ATP2B2: variants seen among roughly 807,000 people sequenced by gnomAD.
ATP2B2 encodes the protein ATPase plasma membrane Ca2+ transporting 2.
A neutral mutation model predicts 120.0 loss-of-function variants in ATP2B2; 15 were observed. That is an observed-to-expected ratio of 0.12 (90% CI 0.08 to 0.19). The LOEUF (loss-of-function observed/expected upper bound fraction) is 0.19, where lower values mean the gene tolerates loss of function less well. Among genes scored for constraint, ATP2B2 ranks in the 10% least tolerant of loss-of-function variants. The probability of loss-of-function intolerance (pLI) is 1.00; values close to 1 mark genes in which losing one functional copy is unlikely to be tolerated. For synonymous variants in ATP2B2, 694 were observed against 700.3 expected, an observed-to-expected ratio of 0.99 and a Z score of 0.14; for missense variants, 1,045 against 1,719.8, an observed-to-expected ratio of 0.61 and a Z score of 6.94.
intron 2 of ATP2B2, among the ~76,000 whole-genome samples, chr3:10,545,647 A>C (rs1351696917): frequency 6.6e-6 from 1 of 152,246 alleles, no homozygotes; most frequent in Non-Finnish European, 1.5e-5. Flanking sequence ...AAATTTGCAA[A>C]ATTGGAATAT....
intron 2 of ATP2B2, among the ~76,000 whole-genome samples, chr3:10,540,486 T>C (rs1027054512): frequency 3.3e-5 from 5 of 152,024 alleles, no homozygotes; most frequent in Admixed American, 3.3e-4. Flanking sequence ...CCATCAATGA[T>C]AGACTGGATT....
chr3:10,549,367 G>A (rs918556574), intron 2 of ATP2B2, among the ~76,000 whole-genome samples: 1 of 152,110 alleles, frequency 6.6e-6, no homozygotes, highest in Non-Finnish European at 1.5e-5. Flanking sequence ...TCAGCACAGG[G>A]CTTGGCAGGG....
intron 1 of ATP2B2, among the ~76,000 whole-genome samples, chr3:10,630,063 G>A (rs550802938): frequency 3.0e-4 from 46 of 152,284 alleles, no homozygotes; most frequent in African/African-American, 9.6e-4. Context: ...GTTGCTCTTC[G>A]CCTGCTGATT....
chr3:10,363,608 A>G (rs1347796602), intron 12 of ATP2B2, among the ~76,000 whole-genome samples: 2 of 152,202 alleles, frequency 1.3e-5, no homozygotes, highest in Admixed American at 6.5e-5. Flanking sequence ...GCTAAGATCA[A>G]TGAATGATGA....
intron 7 of ATP2B2, 126 bp from the exon 8 acceptor site, chr3:10,385,453 G>A: frequency 1.2e-6 from 1 of 816,558 alleles, no homozygotes; most frequent in Non-Finnish European, 2.0e-6. Flanking sequence ...ATTATCCTTT[G>A]GAAACCAAGA....
chr3:10,597,347 A>G (rs1253013248), intron 2 of ATP2B2, among the ~76,000 whole-genome samples: 1 of 151,746 alleles, frequency 6.6e-6, no homozygotes, highest in Non-Finnish European at 1.5e-5. Flanking sequence ...ACACAGGCAC[A>G]GGCACCTAGG....
At chr3:10,662,172 T>C (rs186031871) in intron 1 of ATP2B2, among the ~76,000 whole-genome samples, 90 of 152,246 alleles carry the variant, frequency 5.9e-4, no homozygotes, top group African/African-American at 2.0e-3. Context: ...GGCAGTACCA[T>C]TCAGGACATA....
intron 1 of ATP2B2, among the ~76,000 whole-genome samples, chr3:10,505,098 T>C (rs879775219): frequency 6.6e-5 from 10 of 152,174 alleles, no homozygotes; most frequent in African/African-American, 1.9e-4. Context: ...ACCAGCTTGC[T>C]GGCCCTTGCA....
chr3:10,415,389 G>T (rs2062745980), intron 2 of ATP2B2, among the ~76,000 whole-genome samples: 1 of 152,160 alleles, frequency 6.6e-6, no homozygotes, highest in Non-Finnish European at 1.5e-5. Context: ...ATAGGAAGGG[G>T]TCAGTCAAGG....
At chr3:10,331,862 A>C in intron 22 of ATP2B2, 1 of 975,358 alleles carries the variant, frequency 1.0e-6, no homozygotes, top group Non-Finnish European at 1.5e-6. Context: ...GCTCTGAGAA[A>C]ACGCACAGGC....
At chr3:10,605,084 A>G (rs1317760844) in intron 2 of ATP2B2, among the ~76,000 whole-genome samples, 1 of 152,210 alleles carries the variant, frequency 6.6e-6, no homozygotes, top group Non-Finnish European at 1.5e-5. Flanking sequence ...GCACCAAAGC[A>G]TCCTCGTTTA....
chr3:10,400,704 T>C (rs1213496816), intron 5 of ATP2B2, among the ~76,000 whole-genome samples: 10 of 152,192 alleles, frequency 6.6e-5, no homozygotes, highest in Admixed American at 6.5e-4. Flanking sequence ...GCCAATGCCA[T>C]GAGGGCAGGG....
chr3:10,601,170 A>T (rs1445797633), intron 2 of ATP2B2, among the ~76,000 whole-genome samples: 1 of 152,182 alleles, frequency 6.6e-6, no homozygotes, highest in East Asian at 1.9e-4. Flanking sequence ...GGTAAAGGGC[A>T]GGAGAGTGGC....
At chr3:10,504,919 G>C (rs765044168) in intron 1 of ATP2B2, among the ~76,000 whole-genome samples, 3 of 152,108 alleles carry the variant, frequency 2.0e-5, no homozygotes, top group Non-Finnish European at 4.4e-5. Context: ...CGGCTGGCCT[G>C]ACCCAATGAG....
intron 2 of ATP2B2, among the ~76,000 whole-genome samples, chr3:10,439,871 T>C (rs114913538): frequency 1.6e-4 from 16 of 100,278 alleles, no homozygotes; most frequent in African/African-American, 4.0e-4. Flanking sequence ...TTCTTGTGCC[T>C]AGCCTCCTGA....
intron 1 of ATP2B2, among the ~76,000 whole-genome samples, chr3:10,645,389 G>C (rs1478284830): frequency 5.3e-5 from 8 of 152,154 alleles, no homozygotes; most frequent in Non-Finnish European, 2.9e-5. Flanking sequence ...TGCAAATTTT[G>C]ATCATTTCAC....
intron 5 of ATP2B2, among the ~76,000 whole-genome samples, chr3:10,397,364 G>A (rs532162527): frequency 6.6e-6 from 1 of 152,222 alleles, no homozygotes; most frequent in Non-Finnish European, 1.5e-5. Context: ...GTGAGATCCG[G>A]TTGGGTGGTG....
chr3:10,665,474 C>T (rs552889384), intron 1 of ATP2B2, among the ~76,000 whole-genome samples: 8 of 152,226 alleles, frequency 5.3e-5, no homozygotes, highest in African/African-American at 7.2e-5. Flanking sequence ...CAACTTGACA[C>T]GTAACTGTGG....
upstream of ATP2B2, among the ~76,000 whole-genome samples, chr3:10,506,226 C>T (rs1313276011): frequency 6.6e-6 from 1 of 152,084 alleles, no homozygotes; most frequent in Non-Finnish European, 1.5e-5. Context: ...CTCTCTGCTG[C>T]CCTGAAGCGC....
Sources: gnomAD v4.1 joint callset for allele counts (sites outside exome capture counted in the v4.1 genomes callset) on GRCh38, gnomAD v4.1.1 for gene constraint, MANE v1.5 for transcripts, NCBI Gene and HGNC (gene_info 2026-07-23, HGNC 2026-07-21) for gene names.